The following SLC12A2 variants were observed in gnomAD, a reference collection of about 807,000 sequenced individuals.
SLC12A2 encodes the protein solute carrier family 12 member 2, also known as Na-K-2Cl cotransporter 1.
In SLC12A2, 67 loss-of-function variants were observed where a neutral mutation model predicts 136.3. That is an observed-to-expected ratio of 0.49 (90% confidence interval 0.40 to 0.60). The LOEUF is 0.60. Among genes scored for constraint, SLC12A2 ranks in the 20% least tolerant of loss-of-function variants. The pLI is 0.00. For synonymous variants in SLC12A2, 619 were observed against 562.9 expected, an observed-to-expected ratio of 1.10 and a Z score of -1.41; for missense variants, 1,322 against 1,534.7, an observed-to-expected ratio of 0.86 and a Z score of 2.32.
At position 128,148,879 on chromosome 5, in the gene SLC12A2, T is replaced by G. The variant is rs1263831238; in HGVS notation, c.2005+2T>G. The G allele has an allele frequency of 6.3e-7, 1 of 1,591,212 alleles. No individual in the cohort carries two copies. Among genetic ancestry groups the G allele is most frequent in the Non-Finnish European group, 8.5e-7 (1 of 1,170,962 alleles). On this transcript the variant is annotated splice_donor_variant, in intron 12 of 26. Transcript: ENST00000262461. LOFTEE classifies it high-confidence loss of function. ...TTGCACTTGGATTCATCTTAATTGG[T>G]TAGTTATATAAATGGTGTGTTATTG...
In SLC12A2 at chr5:128,172,163, G is replaced by A. The variant is rs559836143; in HGVS notation, c.2803+417G>A. ...ATAGAAGCCTAAAGTTTGTCATAACGTTTTCTATCTTCAGCAGACCTAATA... is the reference window on the plus strand; with the variant it reads ...ATAGAAGCCTAAAGTTTGTCATAACATTTTCTATCTTCAGCAGACCTAATA... On this transcript the variant is annotated intron_variant, in intron 19 of 26. Transcript: ENST00000262461. Among the ~76,000 whole-genome samples the A allele has an allele frequency of 6.6e-5, 10 of 152,102 alleles. No individual in the cohort carries two copies. The South Asian group carries it at 1.5e-3, about 22-fold the overall frequency.
chr5:128,171,625 T>C, intron 18 of SLC12A2, 42 bp from the exon 19 acceptor site: 1 of 1,033,996 alleles, frequency 9.7e-7, no homozygotes, highest in East Asian at 2.8e-5. Context: ...ATTTTTGTGA[T>C]TTTTTTTTTG....
intron 10 of SLC12A2, among the ~76,000 whole-genome samples, chr5:128,142,711 T>C (rs1409248403): frequency 6.6e-6 from 1 of 152,156 alleles, no homozygotes; most frequent in African/African-American, 2.4e-5. Flanking sequence ...TCCTAATTAC[T>C]GTAGTTAAAT....
At chr5:128,179,779 T>C (rs1329168808) in intron 22 of SLC12A2, among the ~76,000 whole-genome samples, 1 of 151,920 alleles carries the variant, frequency 6.6e-6, no homozygotes, top group East Asian at 1.9e-4. Flanking sequence ...CCTCCAGCAC[T>C]GGGGATTAAT....
At chr5:128,158,012 C>T (rs1364472685) in intron 15 of SLC12A2, 41 bp from the exon 16 acceptor site, 2 of 1,550,234 alleles carry the variant, frequency 1.3e-6, no homozygotes, top group South Asian at 2.3e-5. Flanking sequence ...GCCAGAAACA[C>T]AAATTTATCT....
intron 4 of SLC12A2, among the ~76,000 whole-genome samples, chr5:128,122,146 G>A (rs1284981292): frequency 6.6e-6 from 1 of 152,234 alleles, no homozygotes; most frequent in Non-Finnish European, 1.5e-5. Context: ...AGTTGACTAA[G>A]TTAAAAGCAG....
chr5:128,153,053 A>G (rs1220106497), intron 15 of SLC12A2, among the ~76,000 whole-genome samples: 1 of 152,168 alleles, frequency 6.6e-6, no homozygotes, highest in Non-Finnish European at 1.5e-5. Context: ...GATTTTCTCC[A>G]TGTTCATTAA....
chr5:128,131,874 G>A (rs566274714), intron 5 of SLC12A2, among the ~76,000 whole-genome samples: 65 of 152,012 alleles, frequency 4.3e-4, no homozygotes, highest in African/African-American at 1.3e-3. Flanking sequence ...GTGTGGTGGC[G>A]CATGCCTGTA....
chr5:128,111,469 A>G (rs2126668244), intron 1 of SLC12A2, among the ~76,000 whole-genome samples: 2 of 152,284 alleles, frequency 1.3e-5, no homozygotes, highest in East Asian at 3.9e-4. Flanking sequence ...TTTCTGTTAA[A>G]AGAAAATATA....
At chr5:128,117,430 T>C in intron 4 of SLC12A2, among the ~76,000 whole-genome samples, 1 of 152,058 alleles carries the variant, frequency 6.6e-6, no homozygotes, top group Non-Finnish European at 1.5e-5. Context: ...CTTATGAAAA[T>C]TGATAAATAA....
intron 15 of SLC12A2, among the ~76,000 whole-genome samples, chr5:128,154,148 A>G (rs1762799856): frequency 6.6e-6 from 1 of 151,926 alleles, no homozygotes; most frequent in African/African-American, 2.4e-5. Context: ...ATGTTGGTGC[A>G]TGCCTGCAAT....
intron 1 of SLC12A2, among the ~76,000 whole-genome samples, chr5:128,105,604 G>C (rs768903481): frequency 2.0e-4 from 30 of 152,184 alleles, no homozygotes; most frequent in Non-Finnish European, 3.5e-4. Flanking sequence ...ACTTTGGCAA[G>C]AGTCAGAGTG....
At chr5:128,135,074 T>G (rs1762142284) in intron 6 of SLC12A2, among the ~76,000 whole-genome samples, 1 of 152,092 alleles carries the variant, frequency 6.6e-6, no homozygotes, top group African/African-American at 2.4e-5. Context: ...TTAGCATGTA[T>G]GTAGTTCCAT....
intron 17 of SLC12A2, among the ~76,000 whole-genome samples, chr5:128,163,967 G>A (rs1222392648): frequency 1.3e-5 from 2 of 152,044 alleles, no homozygotes; most frequent in Admixed American, 1.3e-4. Flanking sequence ...TGGGTCATAT[G>A]GTTATTTCTA....
intron 26 of SLC12A2, among the ~76,000 whole-genome samples, chr5:128,185,730 C>A (rs1373402997): frequency 6.6e-6 from 1 of 152,070 alleles, no homozygotes; most frequent in African/African-American, 2.4e-5. Flanking sequence ...AGTAAACATA[C>A]CTTTCACCTA....
chr5:128,089,227 A>G (rs1184787394), intron 1 of SLC12A2, among the ~76,000 whole-genome samples: 2 of 152,036 alleles, frequency 1.3e-5, no homozygotes, highest in Non-Finnish European at 2.9e-5. Flanking sequence ...ACTTTTACAA[A>G]AAGTGCAGCT....
chr5:128,138,230 C>T (rs1271236540), intron 7 of SLC12A2, among the ~76,000 whole-genome samples: 2 of 152,180 alleles, frequency 1.3e-5, no homozygotes, highest in Non-Finnish European at 2.9e-5. Flanking sequence ...TGAGGCACCA[C>T]GCCATGCCCC....
rs753183152 is a variant in SLC12A2 at position 128,174,567 on chromosome 5, TCTC to T, written c.2833_2835del (p.Pro945del). ...AGAATTATTGTCATCACAAGAGAAATCTCCTGGCACCAAGGATGTGGTAGTAAG... is the reference window on the plus strand; with the variant it reads ...AGAATTATTGTCATCACAAGAGAAATCTGGCACCAAGGATGTGGTAGTAAG... On this transcript the variant is annotated inframe_deletion, in exon 20 of 27. Transcript: ENST00000262461. 8.1e-6 allele frequency: 13 copies of T among 1,607,628 alleles called. No homozygotes were observed. The highest frequency in any genetic ancestry group is 1.7e-4 in the Middle Eastern group (1 of 6,040).
At chr5:128,114,988 A>T in intron 4 of SLC12A2, among the ~76,000 whole-genome samples, 1 of 152,184 alleles carries the variant, frequency 6.6e-6, no homozygotes, top group East Asian at 1.9e-4. Flanking sequence ...TCAGTCAGCA[A>T]CATGCTCCTG....
Sources: allele counts gnomAD v4.1 joint callset (sites outside exome capture counted in the v4.1 genomes callset), GRCh38; gene constraint gnomAD v4.1.1; transcripts MANE v1.5; gene names NCBI Gene and HGNC (gene_info 2026-07-23, HGNC 2026-07-21).